The following PTCH2 variants were observed in gnomAD, a reference collection of about 807,000 sequenced individuals.
The protein encoded by PTCH2 is protein patched homolog 2.
PTCH2 carries 96 observed loss-of-function variants against 117.9 expected under a neutral mutation model. That is an observed-to-expected ratio of 0.81 (90% confidence interval 0.69 to 0.96). The LOEUF (loss-of-function observed/expected upper bound fraction) is 0.96, where lower values mean the gene tolerates loss of function less well. PTCH2 is among the 50% of genes least tolerant of loss of function. The probability of loss-of-function intolerance (pLI) is 0.00; values close to 1 mark genes in which losing one functional copy is unlikely to be tolerated. For missense variants in PTCH2, 1,379 were observed against 1,562.5 expected (o/e 0.88, Z 1.98); for synonymous variants, 615 against 660.9 (o/e 0.93, Z 1.06).
chr1:44,834,543 C>G (rs1233436267), intron 2 of PTCH2, among the ~76,000 whole-genome samples: 1 of 152,166 alleles, frequency 6.6e-6, no homozygotes, highest in Non-Finnish European at 1.5e-5. Context: ...CAGAGATAAG[C>G]TCTCCATAGT....
intron 2 of PTCH2, among the ~76,000 whole-genome samples, chr1:44,833,362 C>G (rs930561076): frequency 1.7e-4 from 26 of 152,166 alleles, no homozygotes; most frequent in African/African-American, 6.3e-4. Flanking sequence ...TCTTTGCTGC[C>G]TGCTGGGACC....
At position 44,829,295 on chromosome 1, in the gene PTCH2, C is replaced by T. The variant is rs1653317387; in HGVS notation, c.1233G>A (p.Val411=). The T allele has an allele frequency of 1.9e-6, 3 of 1,613,646 alleles. No individual in the cohort carries two copies. The highest frequency in any genetic ancestry group is 2.5e-6 in the Non-Finnish European group (3 of 1,179,964). ...GGGCGCAGTCCCACCGCAGCATGGT[C>T]ACACAGGCATAGGCCAGCTGTGGGG... ...GYLLMLAYAC[V]TMLRWDCAQS... Residue 411 remains valine (V), a synonymous_variant, in exon 10 of 22, where the codon GTG becomes GTA. Coordinates refer to ENST00000372192, the MANE Select transcript of PTCH2 (RefSeq NM_003738.5).
rs2148873630 is a variant in PTCH2, at chr1:44,826,213, C to A, written c.3114+37G>T. 1 of 1,607,432 alleles carries A rather than the reference C, an allele frequency of 6.2e-7. No homozygotes were observed. On this transcript the variant is annotated intron_variant, in intron 19 of 21. Transcript: ENST00000372192. This position sits in a 1 kb window ranked among gnomAD's most constrained non-coding sequence, Gnocchi z 5.1. ...GAACAATATGTGTTGAATACTGAAT[C>A]AGCTGATTGGTCCCTCCCCGGGGTG...
chr1:44,843,196 C>G lies in PTCH2; in HGVS notation c.-264G>C. On this transcript the variant is annotated 5_prime_UTR_variant, in exon 1 of 22. Coordinates refer to ENST00000372192, the MANE Select transcript of PTCH2 (RefSeq NM_003738.5). ...CGGCGGCTGGAGGAGGAATGGGTCC[C>G]GCGCGCAGGCGGAATTGCTGGCCCG... is the stretch of plus-strand genomic sequence containing the variant. 5.0e-6 allele frequency: 6 copies of G among 1,206,968 alleles called. No individual in the cohort carries two copies. The highest frequency in any genetic ancestry group is 6.2e-6 in the Non-Finnish European group (6 of 969,416). The allele number at this position is 1,206,968 out of a possible 1,614,324, so 74.8% of individuals were successfully genotyped here.
downstream of PTCH2, chr1:44,820,074 T>C (rs1652852596): frequency 4.2e-6 from 1 of 237,574 alleles, no homozygotes; most frequent in Non-Finnish European, 8.7e-6. Flanking sequence ...GCCTGCGTGG[T>C]ACGCACTCCC....
rs2148874303 is a variant in PTCH2, at chr1:44,826,737, C to T, written c.2727G>A (p.Gln909=). The change falls in exon 18 of 22, where the codon CAG becomes CAA. Residue 909 remains glutamine, a synonymous_variant. Transcript: ENST00000372192. This position sits in a 1 kb window ranked among gnomAD's most constrained non-coding sequence, Gnocchi z 5.1. ...GGAGGCCACGCAGCAGGAAGGGGAA[C>T]TGGGCAAACTCCAAGGGCTGAGCTG... ...IPPAQPLEFA[Q]FPFLLRGLQK... 1 of 1,594,878 alleles carries T rather than the reference C, an allele frequency of 6.3e-7. No individual in the cohort carries two copies. The highest frequency in any genetic ancestry group is 8.6e-7 in the Non-Finnish European group (1 of 1,168,546).
In PTCH2 at chr1:44,829,928, G is replaced by T; in HGVS notation, c.916C>A (p.Pro306Thr). The T allele has an allele frequency of 6.2e-7, 1 of 1,614,122 alleles. No individual in the cohort carries two copies. ...ELLLGGMARD[P>T]QGELLRAEAL... ...CCCTACCTCAGCAGCTCTCCTTGGG[G>T]GTCTCTGGCCATGCCTCCCAGCAGC... is the stretch of plus-strand genomic sequence containing the variant. The change falls in exon 7 of 22, where the codon CCC (proline) becomes ACC (threonine). Residue 306 changes from proline to threonine, a missense_variant. By Grantham distance (38) the Pro-to-Thr change is conservative. Coordinates refer to ENST00000372192, the MANE Select transcript of PTCH2 (RefSeq NM_003738.5).
In PTCH2 at chr1:44,821,984, A is replaced by G; in HGVS notation, c.*431T>C. 1 of 1,312,832 alleles carries G rather than the reference A, an allele frequency of 7.6e-7. No individual in the cohort carries two copies. The highest frequency in any genetic ancestry group is 1.0e-6 in the Non-Finnish European group (1 of 998,352). 81.3% of individuals were successfully genotyped at this position (1,312,832 alleles called of 1,614,324 possible). On this transcript the variant is annotated 3_prime_UTR_variant, in exon 22 of 22. Coordinates refer to ENST00000372192, the MANE Select transcript of PTCH2 (RefSeq NM_003738.5). ...TCATTCTTTAAAAAATAAAACTTTCATCATAGCTAACATGTATGTATACTA... is the reference window on the plus strand; with the variant it reads ...TCATTCTTTAAAAAATAAAACTTTCGTCATAGCTAACATGTATGTATACTA...
chr1:44,825,490 G>A (rs891252032), intron 19 of PTCH2, among the ~76,000 whole-genome samples: 1 of 152,010 alleles, frequency 6.6e-6, no homozygotes, highest in Non-Finnish European at 1.5e-5. Context: ...GTAAAAAACT[G>A]TATTGCTATT....
rs201072217 is a variant in PTCH2, at chr1:44,835,080, C to CT, written c.266-2740dup. On this transcript the variant is annotated intron_variant, in intron 2 of 21. Transcript: ENST00000372192. ...TGATACATGAAAAAACAACTTGTCT[C>CT]TTTTTTTTGAGACAGGGTCTCGCTT... Among the ~76,000 whole-genome samples the CT allele has an allele frequency of 4.0e-3, 609 of 151,996 alleles. 3 individuals are homozygous for CT. Among genetic ancestry groups the CT allele is most frequent in the African/African-American group, 0.014 (578 of 41,458 alleles).
chr1:44,842,826 G>A (rs1190376389), intron 1 of PTCH2, 35 bp downstream of exon 1: 1 of 1,528,928 alleles, frequency 6.5e-7, no homozygotes. Context: ...ACCTGGCTCC[G>A]CTCTCTTCCT....
Position 44,842,025 on chromosome 1 carries a change from G to C in PTCH2, c.87C>G (p.Ser29Arg). ...CACGAAGCCAGAGTGGAGCCTTCAG[G>C]CTCCCAGCTAGGATCTGGGATGGAA... is the stretch of plus-strand genomic sequence containing the variant. ...RTAAPQILAGSLKAPLWLRAY... is the reference protein window; with the variant it reads ...RTAAPQILAGRLKAPLWLRAY... The change falls in exon 2 of 22, where the codon AGC becomes AGG. Residue 29 changes from serine (S) to arginine (R), a missense_variant. Physicochemically the swap from Ser to Arg is moderately radical, Grantham distance 110. Transcript: ENST00000372192. The C allele has an allele frequency of 3.1e-6, 5 of 1,613,200 alleles. No individual in the cohort carries two copies. The highest frequency in any genetic ancestry group is 2.2e-5 in the East Asian group (1 of 44,888).
chr1:44,831,651 C>T lies in PTCH2; in HGVS notation c.617+55G>A. 6.8e-7 allele frequency: 1 copy of T among 1,478,918 alleles called. No individual in the cohort carries two copies. The highest frequency in any genetic ancestry group is 9.3e-7 in the Non-Finnish European group (1 of 1,081,066). The allele number at this position is 1,478,918 out of a possible 1,614,324, so 91.6% of individuals were successfully genotyped here. A position where few individuals can be genotyped will look rare whatever the true frequency, so the allele number is the denominator to read the frequency against. ...TCCTCATTCCCCAGACCCCTCCTTTCTGCTGGGAGAGTCCCCAGCGGGAGA... is the reference window on the plus strand; with the variant it reads ...TCCTCATTCCCCAGACCCCTCCTTTTTGCTGGGAGAGTCCCCAGCGGGAGA... On this transcript the variant is annotated intron_variant, in intron 5 of 21. Transcript: ENST00000372192. The surrounding 1 kb of genome is among the most constrained non-coding windows in gnomAD (Gnocchi z 4.3).
At chr1:44,842,252 T>C (rs1176571336) in intron 1 of PTCH2, among the ~76,000 whole-genome samples, 1 of 151,112 alleles carries the variant, frequency 6.6e-6, no homozygotes, top group African/African-American at 2.4e-5. Context: ...TATTTTCCTT[T>C]CTTTTCTTTT....
Position 44,823,667 on chromosome 1 carries a change from G to A in PTCH2, c.3115-282C>T, listed in dbSNP as rs961300982. Among the ~76,000 whole-genome samples the A allele has an allele frequency of 4.0e-5, 6 of 151,836 alleles. No individual in the cohort carries two copies. The highest frequency in any genetic ancestry group is 2.1e-4 in the South Asian group (1 of 4,790). Reference sequence around the variant, plus strand: ...TCTTAAAACAAACAAGCCCGGGCACGGTGGCTCATGCCTGTAATCCCAGCA... The same window carrying A: ...TCTTAAAACAAACAAGCCCGGGCACAGTGGCTCATGCCTGTAATCCCAGCA... On this transcript the variant is annotated intron_variant, in intron 19 of 21. Coordinates refer to ENST00000372192, the MANE Select transcript of PTCH2 (RefSeq NM_003738.5). This position sits in a 1 kb window ranked among gnomAD's most constrained non-coding sequence, Gnocchi z 5.1.
In PTCH2 at chr1:44,826,707, C is replaced by T; in HGVS notation, c.2757G>A (p.Lys919=). ...QFPFLLRGLQ[K]TADFVEAIEG... is the part of the protein sequence containing the mutation. ...CGATGGCCTCCACAAAGTCTGCAGT[C>T]TTCTGGAGGCCACGCAGCAGGAAGG... The change falls in exon 18 of 22, where the codon AAG becomes AAA. Residue 919 remains lysine (K), a synonymous_variant. Coordinates refer to ENST00000372192, the MANE Select transcript of PTCH2 (RefSeq NM_003738.5). This position sits in a 1 kb window ranked among gnomAD's most constrained non-coding sequence, Gnocchi z 5.1. 2 of 1,599,818 alleles carry T rather than the reference C, an allele frequency of 1.3e-6. No individual in the cohort carries two copies. The highest frequency in any genetic ancestry group is 1.7e-6 in the Non-Finnish European group (2 of 1,171,366).
At chr1:44,836,534 C>G (rs1484561109) in intron 2 of PTCH2, among the ~76,000 whole-genome samples, 1 of 152,070 alleles carries the variant, frequency 6.6e-6, no homozygotes, top group Non-Finnish European at 1.5e-5. Flanking sequence ...GTGGTGAAAC[C>G]CTGTCTTTAC....
At chr1:44,841,722 C>T in intron 2 of PTCH2, 125 bp downstream of exon 2, 1 of 1,009,826 alleles carries the variant, frequency 9.9e-7, no homozygotes, top group Non-Finnish European at 1.5e-6. Context: ...GTGTAGGACT[C>T]TGGCCAGCAG....
At chr1:44,821,177 G>A (rs1652895466), downstream of PTCH2, among the ~76,000 whole-genome samples, 1 of 152,100 alleles carries the variant, frequency 6.6e-6, no homozygotes. Context: ...GGCTGGGAAG[G>A]GGCAGTTGCA....
Sources: allele counts gnomAD v4.1 joint callset (sites outside exome capture counted in the v4.1 genomes callset), GRCh38; gene constraint gnomAD v4.1.1; non-coding constraint Gnocchi (gnomAD v3.1); transcripts MANE v1.5; gene names NCBI Gene and HGNC (gene_info 2026-07-23, HGNC 2026-07-21).